EVC: variants seen among roughly 807,000 people sequenced by gnomAD.
EVC encodes the protein EvC ciliary complex subunit 1.
EVC carries 116 observed loss-of-function variants against 118.9 expected under a neutral mutation model. The ratio of observed to expected loss-of-function variants is 0.98; its 90% CI spans 0.84 to 1.14. The LOEUF (loss-of-function observed/expected upper bound fraction) is 1.14, where lower values mean the gene tolerates loss of function less well. EVC is among the 50% of genes most tolerant of loss of function. The pLI, the probability that EVC is intolerant of heterozygous loss-of-function variation, is 0.00. For synonymous variants in EVC, 619 were observed against 534.7 expected (o/e 1.16, Z -2.18); for missense variants, 1,401 against 1,246.4 (o/e 1.12, Z -1.87).
downstream of EVC, among the ~76,000 whole-genome samples, chr4:5,815,385 T>C (rs1210875843): frequency 6.6e-6 from 1 of 152,158 alleles, no homozygotes; most frequent in East Asian, 1.9e-4. Context: ...GTAACGTGCA[T>C]GGCATGGGGA....
the EVC span, among the ~76,000 whole-genome samples, chr4:5,827,299 T>C: frequency 2.6e-5 from 4 of 152,178 alleles, no homozygotes; most frequent in Non-Finnish European, 4.4e-5. Flanking sequence ...TGAGTCCCCT[T>C]GTCCTCATAT....
the EVC span, among the ~76,000 whole-genome samples, chr4:5,822,369 C>T: frequency 6.6e-6 from 1 of 152,134 alleles, no homozygotes; most frequent in East Asian, 1.9e-4. Context: ...CTGTCCCACA[C>T]TCCAAAGGTA....
chr4:5,819,785 T>C, the EVC span, among the ~76,000 whole-genome samples: 1 of 150,764 alleles, frequency 6.6e-6, no homozygotes, highest in African/African-American at 2.5e-5. Context: ...TCTTGGTCTT[T>C]CCATCCAAAA....
At chr4:5,764,093 T>C (rs948949106) in intron 11 of EVC, among the ~76,000 whole-genome samples, 3 of 146,766 alleles carry the variant, frequency 2.0e-5, no homozygotes. Context: ...CCTAATTTCT[T>C]GAGAGTTTTT....
chr4:5,808,659 G>A lies in EVC; in HGVS notation c.2688+332G>A, dbSNP rs1170429520. On this transcript the variant is annotated intron_variant, in intron 18 of 20. Coordinates refer to ENST00000264956, the MANE Select transcript of EVC (RefSeq NM_153717.3). ...GCGCATGGCCACCAGGAGGCTTCCGGTGTAATGGTGACCTCTGTGTCACTC... is the reference window on the plus strand; with the variant it reads ...GCGCATGGCCACCAGGAGGCTTCCGATGTAATGGTGACCTCTGTGTCACTC... Among the ~76,000 whole-genome samples the A allele has an allele frequency of 2.0e-5, 3 of 152,234 alleles. No homozygotes were observed. In the East Asian group the frequency reaches 5.8e-4, roughly 29 times the overall value.
At chr4:5,727,269 T>C (rs1726008326) in intron 2 of EVC, among the ~76,000 whole-genome samples, 1 of 152,220 alleles carries the variant, frequency 6.6e-6, no homozygotes, top group African/African-American at 2.4e-5. Flanking sequence ...CCATTCTAAC[T>C]GGTGTGAGAT....
intron 6 of EVC, 110 bp from the exon 7 acceptor site, chr4:5,745,094 A>T: frequency 2.7e-6 from 3 of 1,128,624 alleles, no homozygotes; most frequent in Non-Finnish European, 3.8e-6. Flanking sequence ...ACTATTGTTT[A>T]AAAATATTTT....
At chr4:5,740,081 G>A (rs373841871) in intron 5 of EVC, among the ~76,000 whole-genome samples, 121 of 152,144 alleles carry the variant, frequency 8.0e-4, no homozygotes, top group African/African-American at 2.8e-3. Flanking sequence ...CAATAACAAC[G>A]ACAAAAGAAC....
At chr4:5,764,646 G>A in intron 11 of EVC, among the ~76,000 whole-genome samples, 1 of 137,266 alleles carries the variant, frequency 7.3e-6, no homozygotes, top group Admixed American at 7.0e-5. Flanking sequence ...TGTATGTGTT[G>A]AGGAATTTAT....
chr4:5,827,729 G>A, the EVC span, among the ~76,000 whole-genome samples: 9 of 117,708 alleles, frequency 7.6e-5, no homozygotes, highest in South Asian at 2.5e-4. Context: ...ACACATGTGC[G>A]CGTGCACACA....
chr4:5,726,568 C>CTTTTTTTTTTTTTTTTT (rs34483285), intron 2 of EVC, among the ~76,000 whole-genome samples: 1 of 134,514 alleles, frequency 7.4e-6, no homozygotes, highest in Non-Finnish European at 1.6e-5. Context: ...CTTCTCTTTT[C>CTTTTTTTTTTTTTTTTT]TTTTTTTTTT....
intron 7 of EVC, among the ~76,000 whole-genome samples, chr4:5,747,603 T>C (rs1188808292): frequency 6.6e-6 from 1 of 152,216 alleles, no homozygotes; most frequent in African/African-American, 2.4e-5. Flanking sequence ...ACCTCCTGCA[T>C]TCTAAGCCAC....
intron 9 of EVC, among the ~76,000 whole-genome samples, chr4:5,753,441 C>T (rs145046127): frequency 1.3e-5 from 2 of 152,288 alleles, no homozygotes; most frequent in Non-Finnish European, 2.9e-5. Context: ...ATGCTGGAGT[C>T]ATGTGGCCCT....
intron 18 of EVC, among the ~76,000 whole-genome samples, chr4:5,808,914 T>C (rs891239276): frequency 6.6e-6 from 1 of 152,182 alleles, no homozygotes; most frequent in Admixed American, 6.5e-5. Flanking sequence ...TTTCAGAGTG[T>C]TCTCCACTGG....
intron 5 of EVC, among the ~76,000 whole-genome samples, chr4:5,736,280 T>TACAC (rs10556213): frequency 2.7e-4 from 40 of 149,520 alleles, no homozygotes; most frequent in African/African-American, 6.8e-4. Context: ...TGCATAGAAC[T>TACAC]ACACACACAC....
chr4:5,802,889 T>C (rs1426063551), intron 16 of EVC, among the ~76,000 whole-genome samples: 1 of 152,054 alleles, frequency 6.6e-6, no homozygotes, highest in Non-Finnish European at 1.5e-5. Flanking sequence ...GGCCCAGGGG[T>C]TGGGGATCCC....
intron 18 of EVC, among the ~76,000 whole-genome samples, chr4:5,808,899 G>C (rs1003330241): frequency 2.0e-5 from 3 of 152,196 alleles, no homozygotes; most frequent in African/African-American, 7.2e-5. Context: ...GCAGAGTGTT[G>C]GCCCTTTCAG....
intron 11 of EVC, among the ~76,000 whole-genome samples, chr4:5,774,768 C>A (rs752173170): frequency 3.9e-5 from 6 of 152,116 alleles, no homozygotes; most frequent in African/African-American, 1.4e-4. Flanking sequence ...GCTTCTATTC[C>A]CCACCAGAGT....
intron 8 of EVC, among the ~76,000 whole-genome samples, chr4:5,748,595 T>TCCATCCACCCATCCATCCAC (rs1729781648): frequency 8.9e-6 from 1 of 112,012 alleles, no homozygotes; most frequent in Non-Finnish European, 1.9e-5. Context: ...CATCCATCCA[T>TCCATCCACCCATCCATCCAC]CCATCCACCC....
Sources: gnomAD v4.1 joint callset for allele counts (sites outside exome capture counted in the v4.1 genomes callset) on GRCh38, gnomAD v4.1.1 for gene constraint, MANE v1.5 for transcripts, NCBI Gene and HGNC (gene_info 2026-07-23, HGNC 2026-07-21) for gene names.